Variants in GRM8 observed in about 807,000 individuals in gnomAD.
The protein encoded by GRM8 is metabotropic glutamate receptor 8.
GRM8 carries 47 observed loss-of-function variants against 87.2 expected under a neutral mutation model. The ratio of observed to expected loss-of-function variants is 0.54; its 90% CI spans 0.43 to 0.69. GRM8 has a LOEUF of 0.69. Ranked by LOEUF, GRM8 falls within the 30% of genes least tolerant of loss-of-function variation. The pLI is 0.00. For synonymous variants in GRM8, 396 were observed against 404.5 expected (o/e 0.98, Z 0.25); for missense variants, 1,019 against 1,139.2 (o/e 0.89, Z 1.52).
chr7:126,987,331 G>A (rs1812171666), intron 3 of GRM8, among the ~76,000 whole-genome samples: 1 of 152,032 alleles, frequency 6.6e-6, no homozygotes. Context: ...ACTAGCTCAT[G>A]TACCTCCTGC....
intron 9 of GRM8, among the ~76,000 whole-genome samples, chr7:126,528,009 T>C (rs1449850009): frequency 6.6e-6 from 1 of 152,052 alleles, no homozygotes; most frequent in Admixed American, 6.5e-5. Context: ...ATTGAGACCA[T>C]CCTGGCCAAC....
At chr7:126,892,920 C>T (rs1801195310) in intron 6 of GRM8, among the ~76,000 whole-genome samples, 1 of 151,974 alleles carries the variant, frequency 6.6e-6, no homozygotes, top group Admixed American at 6.6e-5. Context: ...TGTTTTTTGG[C>T]TGCATAAATG....
chr7:126,971,657 G>A (rs2237776), intron 3 of GRM8, among the ~76,000 whole-genome samples: 47,860 of 151,998 alleles, frequency 0.31, 7,603 homozygotes, highest in Non-Finnish European at 0.35. Context: ...ATGAGTCCAT[G>A]AGGAGAACTA....
chr7:127,126,964 A>T (rs960657695), intron 2 of GRM8, among the ~76,000 whole-genome samples: 1 of 152,024 alleles, frequency 6.6e-6, no homozygotes, highest in Admixed American at 6.6e-5. Flanking sequence ...AAATGGATAA[A>T]TAAAAAGATG....
At chr7:127,099,676 C>T (rs1587000116) in intron 3 of GRM8, among the ~76,000 whole-genome samples, 1 of 152,188 alleles carries the variant, frequency 6.6e-6, no homozygotes, top group East Asian at 1.9e-4. Context: ...ATTCTGTCTG[C>T]TTAAGCCCTT....
At chr7:126,561,715 T>C (rs1366421731) in intron 8 of GRM8, among the ~76,000 whole-genome samples, 5 of 151,714 alleles carry the variant, frequency 3.3e-5, no homozygotes, top group Non-Finnish European at 7.4e-5. Flanking sequence ...CATGTTGGTG[T>C]GCTGCACCCA....
At chr7:126,866,302 T>G (rs1014998487) in intron 6 of GRM8, among the ~76,000 whole-genome samples, 2 of 152,200 alleles carry the variant, frequency 1.3e-5, no homozygotes, top group African/African-American at 4.8e-5. Context: ...TAGTTCTTTA[T>G]ATTTTAGCTA....
At chr7:127,009,367 T>TAGC (rs1814646751) in intron 3 of GRM8, among the ~76,000 whole-genome samples, 1 of 152,196 alleles carries the variant, frequency 6.6e-6, no homozygotes, top group Non-Finnish European at 1.5e-5. Flanking sequence ...CTTCTGAGTT[T>TAGC]GTTCCATAAG....
chr7:126,785,910 T>A (rs1427636339), intron 6 of GRM8, among the ~76,000 whole-genome samples: 3 of 152,122 alleles, frequency 2.0e-5, no homozygotes, highest in Non-Finnish European at 4.4e-5. Flanking sequence ...CTGGACACAA[T>A]CTTATATGAT....
At chr7:126,663,916 C>T (rs1041467481) in intron 7 of GRM8, among the ~76,000 whole-genome samples, 5 of 152,174 alleles carry the variant, frequency 3.3e-5, no homozygotes, top group South Asian at 2.1e-4. Flanking sequence ...CCAAAAGGCT[C>T]CTATTCTGAT....
intron 3 of GRM8, among the ~76,000 whole-genome samples, chr7:126,989,270 C>G (rs1418927748): frequency 6.6e-6 from 1 of 152,166 alleles, no homozygotes; most frequent in Non-Finnish European, 1.5e-5. Flanking sequence ...CCTAAATTCT[C>G]TTAATCTTTT....
intron 3 of GRM8, among the ~76,000 whole-genome samples, chr7:126,950,275 G>A (rs761524570): frequency 6.6e-6 from 1 of 152,122 alleles, no homozygotes; most frequent in Non-Finnish European, 1.5e-5. Context: ...CTGGTAAGAA[G>A]AATAGTACTG....
intron 8 of GRM8, among the ~76,000 whole-genome samples, chr7:126,606,256 C>A (rs1360276498): frequency 6.6e-6 from 1 of 152,104 alleles, no homozygotes; most frequent in Admixed American, 6.6e-5. Flanking sequence ...CTAATGGGAC[C>A]TTCGCTTTGC....
chr7:127,097,267 G>A (rs1824752291), intron 3 of GRM8, among the ~76,000 whole-genome samples: 1 of 152,180 alleles, frequency 6.6e-6, no homozygotes, highest in Non-Finnish European at 1.5e-5. Context: ...AGTGGCAACT[G>A]AATGGTCACA....
At chr7:126,639,004 G>A (rs569097990) in intron 7 of GRM8, among the ~76,000 whole-genome samples, 1 of 152,086 alleles carries the variant, frequency 6.6e-6, no homozygotes, top group Non-Finnish European at 1.5e-5. Flanking sequence ...CTCTAGCCAC[G>A]TGGTCCACTG....
chr7:126,962,987 A>C (rs1809472026), intron 3 of GRM8, among the ~76,000 whole-genome samples: 1 of 152,214 alleles, frequency 6.6e-6, no homozygotes, highest in African/African-American at 2.4e-5. Flanking sequence ...GTCTCTGTCC[A>C]ACTTTGTAAA....
chr7:127,048,723 G>T (rs746484173), intron 3 of GRM8, among the ~76,000 whole-genome samples: 29 of 152,202 alleles, frequency 1.9e-4, no homozygotes, highest in Non-Finnish European at 4.3e-4. Flanking sequence ...GGTATCTGAA[G>T]TTAGACTAGT....
intron 6 of GRM8, among the ~76,000 whole-genome samples, chr7:126,811,155 C>T (rs1462042280): frequency 1.3e-5 from 2 of 152,022 alleles, no homozygotes; most frequent in Admixed American, 6.6e-5. Flanking sequence ...TTCTTGTAGA[C>T]TTTGTCAAAG....
At chr7:126,860,274 G>A (rs542240195) in intron 6 of GRM8, among the ~76,000 whole-genome samples, 13 of 152,094 alleles carry the variant, frequency 8.5e-5, no homozygotes, top group East Asian at 5.8e-4. Flanking sequence ...CTCTGACTTC[G>A]TCTTCTGTTG....
Sources: allele counts gnomAD v4.1 joint callset (sites outside exome capture counted in the v4.1 genomes callset), GRCh38; gene constraint gnomAD v4.1.1; transcripts MANE v1.5; gene names NCBI Gene and HGNC (gene_info 2026-07-23, HGNC 2026-07-21).